ZC3H8: variants seen among roughly 807,000 people sequenced by gnomAD.
ZC3H8 encodes zinc finger CCCH-type containing 8, also known as zinc finger CCCH domain-containing protein 8.
A neutral mutation model predicts 42.5 loss-of-function variants in ZC3H8; 27 were observed. The observed-to-expected ratio is 0.64, with a 90% CI of 0.47 to 0.88. The LOEUF (loss-of-function observed/expected upper bound fraction) is 0.88, where lower values mean the gene tolerates loss of function less well. ZC3H8 is among the 40% of genes least tolerant of loss of function. The pLI is 0.00. For missense variants in ZC3H8, 277 were observed against 336.1 expected, an observed-to-expected ratio of 0.82 and a Z score of 1.37; for synonymous variants, 101 against 110.1, an observed-to-expected ratio of 0.92 and a Z score of 0.52.
chr2:112,227,530 A>G (rs72943913), intron 8 of ZC3H8, among the ~76,000 whole-genome samples: 6,923 of 152,344 alleles, frequency 0.045, 256 homozygotes, highest in African/African-American at 0.091. Context: ...TTGTCTCAAA[A>G]AACAAAGGAA....
rs1319794452 is a variant in ZC3H8, at chr2:112,242,056, A to G, written c.157-3528T>C. Among the ~76,000 whole-genome samples, 4 of 152,310 alleles carry G rather than the reference A, an allele frequency of 2.6e-5. No individual in the cohort carries two copies. In the South Asian group the frequency reaches 6.2e-4, roughly 24 times the overall value. On this transcript the variant is annotated intron_variant, in intron 2 of 8. Coordinates refer to ENST00000409573, the MANE Select transcript of ZC3H8 (RefSeq NM_032494.3). Reference sequence around the variant, plus strand: ...CTTCCTATTTAGAGAAAAGGCCTTTAGAGACACAGACTTACCAACACATCA... The same window carrying G: ...CTTCCTATTTAGAGAAAAGGCCTTTGGAGACACAGACTTACCAACACATCA...
intron 8 of ZC3H8, among the ~76,000 whole-genome samples, chr2:112,230,244 G>A (rs1398533901): frequency 1.3e-5 from 2 of 152,130 alleles, no homozygotes; most frequent in Non-Finnish European, 2.9e-5. Context: ...AGTGTAGAAT[G>A]ACAGTTCTTC....
At chr2:112,217,108 C>T (rs970118442) in intron 8 of ZC3H8, among the ~76,000 whole-genome samples, 1 of 152,160 alleles carries the variant, frequency 6.6e-6, no homozygotes, top group African/African-American at 2.4e-5. Flanking sequence ...GTGGCTCACA[C>T]CTGTAATCCC....
At chr2:112,252,141 A>C (rs935964131) in intron 1 of ZC3H8, among the ~76,000 whole-genome samples, 16 of 152,318 alleles carry the variant, frequency 1.1e-4, no homozygotes, top group Admixed American at 1.0e-3. Context: ...TCTCTAACCC[A>C]AACCCCTCTT....
Position 112,236,606 on chromosome 2 carries a change from T to C in ZC3H8, c.460A>G (p.Lys154Glu), listed in dbSNP as rs142973823. ...TTCCTCAGCAAAGCATTTGATCCTT[T>C]GTTTCCAGGGCCAGGCCATTTTCGC... is the stretch of plus-strand genomic sequence containing the variant. Reference protein sequence around the residue: ...MKRKWPGPGNKGSNALLRNSG... With the variant: ...MKRKWPGPGNEGSNALLRNSG... The change falls in exon 4 of 9, where the codon AAA (lysine) becomes GAA (glutamate). Residue 154 changes from lysine (K) to glutamate (E), a missense_variant. Physicochemically the swap from Lys to Glu is moderately conservative, Grantham distance 56 (BLOSUM62 1). Transcript: ENST00000409573. The C allele has an allele frequency of 6.2e-7, 1 of 1,614,044 alleles. No individual in the cohort carries two copies. Among genetic ancestry groups the C allele is most frequent in the East Asian group, 2.2e-5 (1 of 44,884 alleles).
rs1164342209 is a variant in ZC3H8, at chr2:112,213,473, C to T, written c.*3011G>A. 2 of 151,648 alleles carry T rather than the reference C, an allele frequency of 1.3e-5. No individual in the cohort carries two copies. The highest frequency in any genetic ancestry group is 2.9e-5 in the Non-Finnish European group (2 of 67,874). The allele number at this position is 151,648 out of a possible 1,614,324, so 9.4% of individuals were successfully genotyped here. A position where few individuals can be genotyped will look rare whatever the true frequency, so the allele number is the denominator to read the frequency against. ...ATATACTTGACCTATATTATCTCAC[C>T]AACAGATAAAAATTGAGTTCTGGCC... On this transcript the variant is annotated 3_prime_UTR_variant, in exon 9 of 9. Transcript: ENST00000409573.
intron 3 of ZC3H8, among the ~76,000 whole-genome samples, chr2:112,237,446 G>A (rs755153251): frequency 1.1e-4 from 16 of 152,004 alleles, no homozygotes; most frequent in East Asian, 7.7e-4. Flanking sequence ...TTATCTATCC[G>A]TGCACGCATT....
chr2:112,253,684 C>G (rs926498099), intron 1 of ZC3H8, among the ~76,000 whole-genome samples: 1 of 152,200 alleles, frequency 6.6e-6, no homozygotes, highest in Non-Finnish European at 1.5e-5. Context: ...GTATTGCAGT[C>G]AAGTTTTGGG....
At chr2:112,245,523 G>A (rs1262959146) in intron 2 of ZC3H8, among the ~76,000 whole-genome samples, 1 of 152,162 alleles carries the variant, frequency 6.6e-6, no homozygotes. Context: ...GTGTGATGGT[G>A]CACACCCGTA....
rs375166221 is a variant in ZC3H8, at chr2:112,225,241, T to TA, written c.*15+5661dup. Among the ~76,000 whole-genome samples the TA allele has an allele frequency of 7.6e-3, 1,136 of 149,024 alleles. 11 individuals carry two copies. Among genetic ancestry groups the TA allele is most frequent in the African/African-American group, 0.026 (1,049 of 40,746 alleles). On this transcript the variant is annotated intron_variant, in intron 8 of 8. Transcript: ENST00000409573. ...TGTATACCTCAAAATAGTTAATTGTTAAAAAAAAAACTAACAAAAATATGC... is the reference window on the plus strand; with the variant it reads ...TGTATACCTCAAAATAGTTAATTGTTAAAAAAAAAAACTAACAAAAATATGC...
intron 8 of ZC3H8, among the ~76,000 whole-genome samples, chr2:112,227,372 A>C (rs1684886433): frequency 6.6e-6 from 1 of 152,184 alleles, no homozygotes; most frequent in African/African-American, 2.4e-5. Context: ...TAAAAACACA[A>C]AAATTAGCCG....
rs35500593 is a variant in ZC3H8 at position 112,212,965 on chromosome 2, C to CTTTTTTTTTT, written c.*3509_*3518dup. ...CAGCAAGCACAACTCAGAAGAAATG[C>CTTTTTTTTTT]TTTTTTTTTTTTTTTTTTTTTTTAT... On this transcript the variant is annotated 3_prime_UTR_variant, in exon 9 of 9. Coordinates refer to ENST00000409573, the MANE Select transcript of ZC3H8 (RefSeq NM_032494.3). The CTTTTTTTTTT allele has an allele frequency of 1.2e-4, 10 of 84,916 alleles. No homozygotes were observed. Among genetic ancestry groups the CTTTTTTTTTT allele is most frequent in the African/African-American group, 1.4e-4 (3 of 21,212 alleles). The allele number at this position is 84,916 out of a possible 1,614,324, so 5.3% of individuals were successfully genotyped here.
At chr2:112,243,851 C>G (rs1387298297) in intron 2 of ZC3H8, among the ~76,000 whole-genome samples, 1 of 151,854 alleles carries the variant, frequency 6.6e-6, no homozygotes, top group Non-Finnish European at 1.5e-5. Context: ...GAAGAAGCAA[C>G]TATCATTTGA....
chr2:112,212,854 T>G lies in ZC3H8; in HGVS notation c.*3630A>C, dbSNP rs1396125272. On this transcript the variant is annotated 3_prime_UTR_variant, in exon 9 of 9. Transcript: ENST00000409573. ...CTGAGATATTCTGATCTTGCCAAAC[T>G]CCAAATGTGATGTCTTTGCTTATAA... 2 of 151,842 alleles carry G rather than the reference T, an allele frequency of 1.3e-5. No individual in the cohort carries two copies. The highest frequency in any genetic ancestry group is 4.8e-5 in the African/African-American group (2 of 41,330). 9.4% of individuals were successfully genotyped at this position (151,842 alleles called of 1,614,324 possible). A position where few individuals can be genotyped will look rare whatever the true frequency, so the allele number is the denominator to read the frequency against.
At chr2:112,228,542 T>C (rs1291438343) in intron 8 of ZC3H8, among the ~76,000 whole-genome samples, 1 of 148,516 alleles carries the variant, frequency 6.7e-6, no homozygotes, top group African/African-American at 2.5e-5. Context: ...GACATCTACA[T>C]GTAAAAAAAA....
In ZC3H8 at chr2:112,232,314, C is replaced by CAA. The variant is rs34453808; in HGVS notation, c.734-369_734-368dup. Among the ~76,000 whole-genome samples, 293 of 71,330 alleles carry CAA rather than the reference C, an allele frequency of 4.1e-3. 3 individuals are homozygous for CAA. The highest frequency in any genetic ancestry group is 0.025 in the East Asian group (59 of 2,392). 46.8% of individuals were successfully genotyped at this position (71,330 alleles called of 152,430 possible). ...TGGGCAACAGAGCAAGATAATGTCT[C>CAA]AAAAAAAAAAAAAAAAAAAAGACCT... On this transcript the variant is annotated intron_variant, in intron 6 of 8. Transcript: ENST00000409573.
chr2:112,233,634 G>A (rs557217120), intron 5 of ZC3H8, among the ~76,000 whole-genome samples: 7 of 152,134 alleles, frequency 4.6e-5, no homozygotes, highest in Non-Finnish European at 1.0e-4. Context: ...TTTGGAGGCC[G>A]AGGTGCGCGG....
intron 6 of ZC3H8, among the ~76,000 whole-genome samples, chr2:112,232,953 T>C (rs1003011051): frequency 6.6e-6 from 1 of 152,216 alleles, no homozygotes; most frequent in African/African-American, 2.4e-5. Flanking sequence ...TATTTGAATA[T>C]AGATTCAATT....
intron 8 of ZC3H8, among the ~76,000 whole-genome samples, chr2:112,218,677 C>T (rs902547930): frequency 3.3e-5 from 5 of 152,016 alleles, no homozygotes; most frequent in Admixed American, 2.6e-4. Context: ...AATTTGGAAA[C>T]ATAGAGAGAG....
Sources: allele counts gnomAD v4.1 joint callset (sites outside exome capture counted in the v4.1 genomes callset), GRCh38; gene constraint gnomAD v4.1.1; transcripts MANE v1.5; gene names NCBI Gene and HGNC (gene_info 2026-07-23, HGNC 2026-07-21).